The following TFDP2 variants were observed in gnomAD, a reference collection of about 807,000 sequenced individuals.
TFDP2 encodes transcription factor Dp-2 (E2F dimerization partner 2).
In TFDP2, 17 loss-of-function variants were observed where a neutral mutation model predicts 59.3. The ratio of observed to expected loss-of-function variants is 0.29; its 90% confidence interval spans 0.20 to 0.43. The LOEUF is 0.43. Among genes scored for constraint, TFDP2 ranks in the 20% least tolerant of loss-of-function variants. The pLI is 1.00. For missense variants in TFDP2, 391 were observed against 528.8 expected, an observed-to-expected ratio of 0.74 and a Z score of 2.56; for synonymous variants, 180 against 194.7, an observed-to-expected ratio of 0.92 and a Z score of 0.63.
intron 8 of TFDP2, among the ~76,000 whole-genome samples, chr3:141,972,402 T>TC (rs1193445352): frequency 2.0e-5 from 3 of 152,198 alleles, no homozygotes; most frequent in African/African-American, 7.2e-5. Context: ...TTAAAAAACA[T>TC]CCTATCAACC....
At chr3:141,975,231 T>C (rs933125937) in intron 7 of TFDP2, among the ~76,000 whole-genome samples, 1 of 150,534 alleles carries the variant, frequency 6.6e-6, no homozygotes, top group African/African-American at 2.4e-5. Context: ...TATTTTTTGA[T>C]AGTAAGACTT....
At chr3:142,100,976 A>T (rs370049101) in intron 2 of TFDP2, among the ~76,000 whole-genome samples, 72 of 152,302 alleles carry the variant, frequency 4.7e-4, no homozygotes, top group African/African-American at 1.7e-3. Context: ...TTTATAACAA[A>T]TTCCCTTTTT....
intron 7 of TFDP2, among the ~76,000 whole-genome samples, chr3:141,976,552 G>C (rs1306583798): frequency 6.6e-6 from 1 of 152,194 alleles, no homozygotes; most frequent in Non-Finnish European, 1.5e-5. Flanking sequence ...GGCAGGGAGA[G>C]AGAAGCCATA....
At chr3:142,131,769 G>T (rs2062512659) in intron 1 of TFDP2, among the ~76,000 whole-genome samples, 1 of 149,922 alleles carries the variant, frequency 6.7e-6, no homozygotes, top group Admixed American at 6.6e-5. Flanking sequence ...ATTTTGAGAG[G>T]CCGAGGCGGG....
chr3:142,072,947 A>G (rs1424482078), intron 3 of TFDP2, among the ~76,000 whole-genome samples: 1 of 152,206 alleles, frequency 6.6e-6, no homozygotes, highest in African/African-American at 2.4e-5. Context: ...CCACACAATG[A>G]CTTCCTTCCA....
At chr3:142,062,586 A>C (rs2059956236) in intron 3 of TFDP2, among the ~76,000 whole-genome samples, 1 of 151,918 alleles carries the variant, frequency 6.6e-6, no homozygotes, top group South Asian at 2.1e-4. Context: ...CTTTGAGAAA[A>C]ATCATCTGGG....
intron 6 of TFDP2, among the ~76,000 whole-genome samples, chr3:141,987,581 C>CGTGTGT (rs113061424): frequency 5.9e-5 from 7 of 118,514 alleles, no homozygotes; most frequent in Non-Finnish European, 1.3e-4. Flanking sequence ...CTGCGCCTGG[C>CGTGTGT]GTGTGTGTGT....
At chr3:142,018,471 T>A (rs1171419680) in intron 3 of TFDP2, among the ~76,000 whole-genome samples, 22 of 152,166 alleles carry the variant, frequency 1.4e-4, no homozygotes, top group Non-Finnish European at 3.2e-4. Flanking sequence ...TTTATTTTTT[T>A]ATTTTTTTAG....
At chr3:142,047,763 G>A (rs1327436134) in intron 3 of TFDP2, among the ~76,000 whole-genome samples, 2 of 137,224 alleles carry the variant, frequency 1.5e-5, no homozygotes, top group Non-Finnish European at 3.1e-5. Context: ...TTGAGATGGA[G>A]TTTCGCTCTT....
At chr3:142,042,344 T>C (rs1947019701) in intron 3 of TFDP2, among the ~76,000 whole-genome samples, 5 of 151,444 alleles carry the variant, frequency 3.3e-5, no homozygotes, top group Admixed American at 3.3e-4. Context: ...CAGGCTGGAG[T>C]GTTGTGGCAT....
chr3:142,061,926 A>T (rs2059929019), intron 3 of TFDP2, among the ~76,000 whole-genome samples: 1 of 150,362 alleles, frequency 6.7e-6, no homozygotes, highest in Admixed American at 6.6e-5. Flanking sequence ...ACACACACAC[A>T]CACACACACA....
chr3:141,975,617 C>T (rs531419628), intron 7 of TFDP2, among the ~76,000 whole-genome samples: 1 of 151,344 alleles, frequency 6.6e-6, no homozygotes, highest in South Asian at 2.1e-4. Flanking sequence ...TCGCTTGAAT[C>T]CGGGAGATGG....
intron 11 of TFDP2, among the ~76,000 whole-genome samples, chr3:141,954,800 T>C (rs747248769): frequency 2.1e-4 from 32 of 152,028 alleles, no homozygotes; most frequent in Admixed American, 1.8e-3. Context: ...TGAGCTATGA[T>C]TTAATTGAAT....
chr3:142,028,295 A>C (rs1371932245), intron 3 of TFDP2, among the ~76,000 whole-genome samples: 1 of 152,168 alleles, frequency 6.6e-6, no homozygotes, highest in Non-Finnish European at 1.5e-5. Context: ...GATTTCCTCA[A>C]CTGCTGCTTT....
At chr3:142,061,445 T>C (rs2059911369) in intron 3 of TFDP2, among the ~76,000 whole-genome samples, 1 of 152,144 alleles carries the variant, frequency 6.6e-6, no homozygotes, top group Non-Finnish European at 1.5e-5. Context: ...ACATTGTTTC[T>C]GGGTGGTCTA....
rs185889320 is a variant in TFDP2, at chr3:142,082,021, G to A, written c.82+11040C>T. On this transcript the variant is annotated intron_variant, in intron 3 of 12. Transcript: ENST00000489671. ...CTGTTAGAAACCAGGATGCACTGCA[G>A]GAGGTGAGTGGCGGGCGAGTGAAAG... 3.4e-3 allele frequency among the ~76,000 whole-genome samples: 515 copies of A among 152,302 alleles called. 2 individuals carry two copies. The highest frequency in any genetic ancestry group is 0.012 in the African/African-American group (502 of 41,570).
intron 3 of TFDP2, among the ~76,000 whole-genome samples, chr3:142,087,333 T>A (rs1355234986): frequency 6.6e-6 from 1 of 152,154 alleles, no homozygotes; most frequent in African/African-American, 2.4e-5. Context: ...TGTAGGCAAC[T>A]GTAACACATG....
chr3:142,103,193 G>A (rs1370711953), intron 1 of TFDP2, among the ~76,000 whole-genome samples: 4 of 151,828 alleles, frequency 2.6e-5, no homozygotes, highest in Non-Finnish European at 4.4e-5. Flanking sequence ...AGCCGAGAAC[G>A]CGCCATTGCA....
chr3:142,115,227 C>T (rs927028991), intron 1 of TFDP2, among the ~76,000 whole-genome samples: 2 of 151,944 alleles, frequency 1.3e-5, no homozygotes, highest in Non-Finnish European at 2.9e-5. Context: ...AGAAAATCTC[C>T]GCATCTGAAC....
Sources: allele counts gnomAD v4.1 joint callset (sites outside exome capture counted in the v4.1 genomes callset), GRCh38; gene constraint gnomAD v4.1.1; transcripts MANE v1.5; gene names NCBI Gene and HGNC (gene_info 2026-07-23, HGNC 2026-07-21).